FHIT: variants seen among roughly 807,000 people sequenced by gnomAD.
FHIT encodes bis(5'-adenosyl)-triphosphatase.
In FHIT, 19 loss-of-function variants were observed where a neutral mutation model predicts 17.9. That is an observed-to-expected ratio of 1.06 (90% CI 0.74 to 1.56). The LOEUF (loss-of-function observed/expected upper bound fraction) is 1.56, where lower values mean the gene tolerates loss of function less well. FHIT is among the 40% of genes most tolerant of loss of function. FHIT has a pLI of 0.00. For missense variants in FHIT, 248 were observed against 189.2 expected (o/e 1.31, Z -1.82); for synonymous variants, 81 against 69.7 (o/e 1.16, Z -0.81).
intron 3 of FHIT, among the ~76,000 whole-genome samples, chr3:60,959,555 C>A (rs777292657): frequency 2.5e-4 from 38 of 152,124 alleles, no homozygotes; most frequent in Non-Finnish European, 3.5e-4. Context: ...TAATGCAGAG[C>A]AGTGACAGGT....
intron 2 of FHIT, among the ~76,000 whole-genome samples, chr3:61,134,131 A>ACACACACACACACACACACACACACAC (rs1396881564): frequency 4.0e-5 from 6 of 151,266 alleles, no homozygotes; most frequent in South Asian, 2.1e-4. Context: ...ACACACACAC[A>ACACACACACACACACACACACACACAC]AAGAGGTCAA....
intron 3 of FHIT, among the ~76,000 whole-genome samples, chr3:60,914,822 A>G (rs1467842582): frequency 6.6e-6 from 1 of 152,240 alleles, no homozygotes; most frequent in African/African-American, 2.4e-5. Flanking sequence ...GAACAAACAA[A>G]CAGAAATGTA....
chr3:60,643,733 T>C (rs2039784649), intron 4 of FHIT, among the ~76,000 whole-genome samples: 1 of 152,192 alleles, frequency 6.6e-6, no homozygotes, highest in Non-Finnish European at 1.5e-5. Flanking sequence ...CCTTCTATGA[T>C]CAAGGGTAGT....
intron 5 of FHIT, among the ~76,000 whole-genome samples, chr3:60,135,992 C>T (rs1699800052): frequency 6.6e-6 from 1 of 152,092 alleles, no homozygotes; most frequent in South Asian, 2.1e-4. Flanking sequence ...CCATCTGTAA[C>T]AATATATGTA....
At chr3:60,795,206 A>C (rs1454310363) in intron 4 of FHIT, among the ~76,000 whole-genome samples, 2 of 152,238 alleles carry the variant, frequency 1.3e-5, no homozygotes, top group Non-Finnish European at 2.9e-5. Flanking sequence ...CATTATGCAG[A>C]TATAAAATTA....
intron 5 of FHIT, among the ~76,000 whole-genome samples, chr3:60,066,719 C>T (rs914324665): frequency 4.6e-5 from 6 of 130,310 alleles, no homozygotes; most frequent in East Asian, 2.4e-4. Context: ...TGCAGAGGCA[C>T]GATCTCGGCT....
At chr3:61,167,168 T>A (rs2107117868) in intron 2 of FHIT, 1 of 152,202 alleles carries the variant, frequency 6.6e-6, no homozygotes, top group Non-Finnish European at 1.5e-5. Flanking sequence ...AACATGAGAA[T>A]TCGATACAGG....
chr3:60,511,045 A>G (rs2034933225), intron 5 of FHIT, among the ~76,000 whole-genome samples: 1 of 152,280 alleles, frequency 6.6e-6, no homozygotes, highest in African/African-American at 2.4e-5. Flanking sequence ...TAAAAACGTA[A>G]AACACATGTA....
chr3:60,592,173 A>T (rs574930188), intron 4 of FHIT, among the ~76,000 whole-genome samples: 2 of 147,396 alleles, frequency 1.4e-5, no homozygotes, highest in South Asian at 2.1e-4. Context: ...ATATATTATT[A>T]TATATATATT....
intron 5 of FHIT, among the ~76,000 whole-genome samples, chr3:60,495,411 T>C (rs761621438): frequency 6.6e-5 from 10 of 151,764 alleles, no homozygotes; most frequent in African/African-American, 1.2e-4. Flanking sequence ...CCCAAAACTA[T>C]TCCAAAAAGT....
intron 8 of FHIT, among the ~76,000 whole-genome samples, chr3:59,898,450 G>T (rs1257331029): frequency 8.6e-6 from 1 of 116,216 alleles, no homozygotes; most frequent in Non-Finnish European, 1.8e-5. Flanking sequence ...GTTTGTGTGT[G>T]TGTGTGTGTG....
chr3:60,231,542 G>T (rs1177464356), intron 5 of FHIT, among the ~76,000 whole-genome samples: 1 of 152,094 alleles, frequency 6.6e-6, no homozygotes, highest in East Asian at 1.9e-4. Flanking sequence ...TTTGTGTCTA[G>T]CTTTTATCAC....
chr3:60,275,836 C>T (rs1707104150), intron 5 of FHIT, among the ~76,000 whole-genome samples: 1 of 152,144 alleles, frequency 6.6e-6, no homozygotes, highest in Admixed American at 6.5e-5. Flanking sequence ...CACAATAATG[C>T]CTTGCAATCT....
At chr3:60,888,041 A>T (rs1311668465) in intron 3 of FHIT, among the ~76,000 whole-genome samples, 3 of 152,194 alleles carry the variant, frequency 2.0e-5, no homozygotes, top group Non-Finnish European at 2.9e-5. Context: ...CCAAAGAAAC[A>T]ACAAGTTGGT....
chr3:60,527,645 T>C (rs998272088), intron 5 of FHIT, among the ~76,000 whole-genome samples: 9 of 152,122 alleles, frequency 5.9e-5, no homozygotes, highest in Non-Finnish European at 1.3e-4. Context: ...TATTCTTAAA[T>C]GATAATGAAG....
intron 3 of FHIT, among the ~76,000 whole-genome samples, chr3:61,031,657 T>C (rs549368245): frequency 6.6e-6 from 1 of 152,284 alleles, no homozygotes; most frequent in East Asian, 1.9e-4. Flanking sequence ...TACCCACAAG[T>C]GAGAATGTTG....
At chr3:60,577,093 G>C (rs1480663865) in intron 4 of FHIT, among the ~76,000 whole-genome samples, 1 of 152,022 alleles carries the variant, frequency 6.6e-6, no homozygotes, top group African/African-American at 2.4e-5. Flanking sequence ...AAATAAAAAG[G>C]AGGACACTGA....
chr3:60,214,022 G>A (rs962821073), intron 5 of FHIT, among the ~76,000 whole-genome samples: 1 of 152,136 alleles, frequency 6.6e-6, no homozygotes, highest in Non-Finnish European at 1.5e-5. Context: ...GTGTCATGCA[G>A]AATAATCTCA....
chr3:60,089,190 T>C (rs1043417543), intron 5 of FHIT, among the ~76,000 whole-genome samples: 1 of 152,244 alleles, frequency 6.6e-6, no homozygotes, highest in Non-Finnish European at 1.5e-5. Flanking sequence ...ACACTTCTTA[T>C]GAAGACCTAT....
Sources: gnomAD v4.1 joint callset for allele counts (sites outside exome capture counted in the v4.1 genomes callset) on GRCh38, gnomAD v4.1.1 for gene constraint, MANE v1.5 for transcripts, NCBI Gene and HGNC (gene_info 2026-07-23, HGNC 2026-07-21) for gene names.